Variants in ACVR1 observed in about 807,000 individuals in gnomAD.
The protein encoded by ACVR1 is activin receptor type-1.
Under a neutral mutation model 57.1 loss-of-function variants are expected in ACVR1, and 38 were observed. The observed-to-expected ratio is 0.67, with a 90% CI of 0.51 to 0.87. ACVR1 has a LOEUF of 0.87. Ranked by LOEUF, ACVR1 falls within the 40% of genes least tolerant of loss-of-function variation. ACVR1 has a pLI of 0.00. For synonymous variants in ACVR1, 212 were observed against 228.1 expected, an observed-to-expected ratio of 0.93 and a Z score of 0.63; for missense variants, 463 against 638.2, an observed-to-expected ratio of 0.73 and a Z score of 2.96.
intron 2 of ACVR1, among the ~76,000 whole-genome samples, chr2:157,813,671 A>G (rs1687833809): frequency 6.6e-6 from 1 of 152,234 alleles, no homozygotes; most frequent in South Asian, 2.1e-4. Flanking sequence ...AAGGAACTCA[A>G]GCCTCTGAAT....
At chr2:157,849,962 C>T (rs576372947) in intron 1 of ACVR1, among the ~76,000 whole-genome samples, 55 of 152,082 alleles carry the variant, frequency 3.6e-4, no homozygotes, top group Non-Finnish European at 6.3e-4. Context: ...ACAATGCAAG[C>T]ATAGAGAATC....
chr2:157,861,047 G>A (rs1689700234), intron 1 of ACVR1, among the ~76,000 whole-genome samples: 1 of 152,180 alleles, frequency 6.6e-6, no homozygotes, highest in African/African-American at 2.4e-5. Flanking sequence ...TCTGTGCCTA[G>A]AAGGCCCTTT....
chr2:157,857,668 T>C (rs1359947768), intron 1 of ACVR1, among the ~76,000 whole-genome samples: 3 of 152,192 alleles, frequency 2.0e-5, no homozygotes, highest in Admixed American at 1.3e-4. Flanking sequence ...CCTCCAGAAA[T>C]GTGTACCACA....
chr2:157,747,582 G>T (rs1206157383), intron 9 of ACVR1, among the ~76,000 whole-genome samples: 2 of 152,334 alleles, frequency 1.3e-5, no homozygotes, highest in East Asian at 1.9e-4. Context: ...AAAAATGGGT[G>T]CATACAGAAG....
At chr2:157,839,874 C>A (rs1180191943) in intron 1 of ACVR1, among the ~76,000 whole-genome samples, 1 of 152,178 alleles carries the variant, frequency 6.6e-6, no homozygotes, top group Non-Finnish European at 1.5e-5. Context: ...TGGAATCATT[C>A]TGCAGAAACT....
intron 6 of ACVR1, 85 bp from the exon 7 acceptor site, chr2:157,770,599 C>A: frequency 7.4e-7 from 1 of 1,354,170 alleles, no homozygotes; most frequent in African/African-American, 1.4e-5. Flanking sequence ...TAATTTAGTG[C>A]ATGCAACTCT....
At chr2:157,802,127 G>A (rs1409999915) in intron 2 of ACVR1, among the ~76,000 whole-genome samples, 3 of 152,152 alleles carry the variant, frequency 2.0e-5, no homozygotes. Flanking sequence ...GGTTCCCTGG[G>A]GAGGTAACAT....
At chr2:157,815,071 A>ATGTT in intron 2 of ACVR1, among the ~76,000 whole-genome samples, 1 of 152,358 alleles carries the variant, frequency 6.6e-6, no homozygotes, top group African/African-American at 2.4e-5. Flanking sequence ...CCTGGGCAAC[A>ATGTT]GAGCAAGACT....
intron 3 of ACVR1, among the ~76,000 whole-genome samples, chr2:157,787,116 G>T (rs185264501): frequency 6.6e-6 from 1 of 151,920 alleles, no homozygotes; most frequent in Non-Finnish European, 1.5e-5. Context: ...TAAGCCTATT[G>T]CAGCAGCCAC....
At chr2:157,853,552 T>C (rs1480905069) in intron 1 of ACVR1, among the ~76,000 whole-genome samples, 4 of 152,292 alleles carry the variant, frequency 2.6e-5, no homozygotes, top group South Asian at 2.1e-4. Flanking sequence ...CTCAGATGAA[T>C]AGACACCATT....
chr2:157,766,723 TAAAA>T (rs988482763), intron 7 of ACVR1, among the ~76,000 whole-genome samples: 7 of 151,996 alleles, frequency 4.6e-5, no homozygotes, highest in Admixed American at 2.6e-4. Context: ...ATTCACGAAA[TAAAA>T]AAAGAAACCA....
chr2:157,779,161 CAA>C (rs536914530), intron 4 of ACVR1, among the ~76,000 whole-genome samples: 3 of 146,688 alleles, frequency 2.0e-5, no homozygotes, highest in African/African-American at 7.4e-5. Context: ...TCCTTAAATT[CAA>C]AAAAAAAAAT....
intron 1 of ACVR1, among the ~76,000 whole-genome samples, chr2:157,844,936 C>T (rs537954956): frequency 6.6e-6 from 1 of 152,314 alleles, no homozygotes; most frequent in South Asian, 2.1e-4. Flanking sequence ...TCACCAGACA[C>T]CAAATCCTGC....
chr2:157,821,789 A>C (rs947389890), intron 1 of ACVR1, among the ~76,000 whole-genome samples: 2 of 152,224 alleles, frequency 1.3e-5, no homozygotes, highest in Admixed American at 1.3e-4. Context: ...AATCCAATCA[A>C]ATTTTCTAAC....
chr2:157,837,663 C>A (rs1345029303), intron 1 of ACVR1, among the ~76,000 whole-genome samples: 1 of 152,096 alleles, frequency 6.6e-6, no homozygotes, highest in African/African-American at 2.4e-5. Context: ...CAAAGCAACC[C>A]AGACAAACAG....
intron 3 of ACVR1, among the ~76,000 whole-genome samples, chr2:157,787,316 G>C (rs375357123): frequency 6.6e-6 from 1 of 152,174 alleles, no homozygotes; most frequent in South Asian, 2.1e-4. Context: ...TCCTTAATAC[G>C]GGAGAAAATA....
At chr2:157,739,270 G>A (rs1181235578) in intron 9 of ACVR1, among the ~76,000 whole-genome samples, 1 of 152,170 alleles carries the variant, frequency 6.6e-6, no homozygotes, top group Non-Finnish European at 1.5e-5. Context: ...GGATAGCCAT[G>A]TGGGAAGGCA....
Position 157,761,044 on chromosome 2 carries a change from T to A in ACVR1, c.1100A>T (p.Gln367Leu). 6.2e-7 allele frequency: 1 copy of A among 1,614,124 alleles called. No homozygotes were observed. The highest frequency in any genetic ancestry group is 8.5e-7 in the Non-Finnish European group (1 of 1,180,004). Residue 367 changes from glutamine (Q) to leucine (L), a missense_variant, in exon 9 of 11, where the codon CAG becomes CTG. Gln to Leu is a moderately radical substitution (Grantham distance 113). Transcript: ENST00000434821. ...ACGGGGATTGTTCCCCACATCAAGC[T>A]GATTGGTGCTCTGGGAATGCATGAC... ...LAVMHSQSTN[Q>L]LDVGNNPRVG...
Position 157,746,264 on chromosome 2 carries a change from C to T in ACVR1, c.1265-7694G>A, listed in dbSNP as rs190241132. On this transcript the variant is annotated intron_variant, in intron 9 of 10. Transcript: ENST00000434821. Reference sequence around the variant, plus strand: ...CAAAGCACTTTCTATATGCCAGACACACATGAGATGCTTTACATATACGAT... The same window carrying T: ...CAAAGCACTTTCTATATGCCAGACATACATGAGATGCTTTACATATACGAT... 6.0e-4 allele frequency among the ~76,000 whole-genome samples: 92 copies of T among 152,322 alleles called. 3 individuals carry two copies. In the East Asian group the frequency reaches 0.015, roughly 24 times the overall value.
Sources: allele counts gnomAD v4.1 joint callset (sites outside exome capture counted in the v4.1 genomes callset), GRCh38; gene constraint gnomAD v4.1.1; transcripts MANE v1.5; gene names NCBI Gene and HGNC (gene_info 2026-07-23, HGNC 2026-07-21).